The following HMCN1 variants were observed in gnomAD, a reference collection of about 807,000 sequenced individuals.
HMCN1 encodes hemicentin-1.
In HMCN1, 321 loss-of-function variants were observed where a neutral mutation model predicts 625.9. The observed-to-expected ratio is 0.51, with a 90% CI of 0.47 to 0.56. The LOEUF is 0.56. HMCN1 is among the 20% of genes least tolerant of loss of function. HMCN1 has a pLI of 0.00. For missense variants in HMCN1, 6,588 were observed against 6,887.3 expected, an observed-to-expected ratio of 0.96 and a Z score of 1.54; for synonymous variants, 2,425 against 2,417.6, an observed-to-expected ratio of 1.00 and a Z score of -0.09.
intron 1 of HMCN1, among the ~76,000 whole-genome samples, chr1:185,744,960 A>C (rs1571294932): frequency 6.6e-6 from 1 of 152,150 alleles, no homozygotes; most frequent in African/African-American, 2.4e-5. Flanking sequence ...AGGGGGAAAC[A>C]TTGAGGGGAC....
At chr1:186,089,590 A>C (rs1401874707) in intron 63 of HMCN1, among the ~76,000 whole-genome samples, 3 of 152,044 alleles carry the variant, frequency 2.0e-5, no homozygotes, top group Admixed American at 2.0e-4. Flanking sequence ...ATTCAACGTC[A>C]GAAGTTGCAT....
At position 186,166,171 on chromosome 1, in the gene HMCN1, TTTC is replaced by T; in HGVS notation, c.15320-7_15320-5del. On this transcript the variant is annotated splice_polypyrimidine_tract_variant and intron_variant, in intron 98 of 106. Coordinates refer to ENST00000271588, the MANE Select transcript of HMCN1 (RefSeq NM_031935.3). ...TTACATACTGATTTGGGCCTTTTTGTTTCTTCTTTAAGATGAGGATGAATGTGC... is the reference window on the plus strand; with the variant it reads ...TTACATACTGATTTGGGCCTTTTTGTTTCTTTAAGATGAGGATGAATGTGC... The T allele has an allele frequency of 6.2e-7, 1 of 1,613,984 alleles. No homozygotes were observed. Among genetic ancestry groups the T allele is most frequent in the Non-Finnish European group, 8.5e-7 (1 of 1,179,988 alleles).
rs1460119510 is a variant in HMCN1, at chr1:185,965,828, A to T, written c.2125A>T (p.Ser709Cys). The T allele has an allele frequency of 1.2e-5, 20 of 1,611,596 alleles. No individual in the cohort carries two copies. The highest frequency in any genetic ancestry group is 1.6e-5 in the Non-Finnish European group (19 of 1,177,872). Residue 709 changes from serine to cysteine, a missense_variant, in exon 14 of 107, where the codon AGT becomes TGT. Around this residue, in one of 3 missense-constraint regions of HMCN1, gnomAD observed 4,628 missense variants for 4,853.1 expected, o/e 0.95. Coordinates refer to ENST00000271588, the MANE Select transcript of HMCN1 (RefSeq NM_031935.3). The part of the protein sequence containing the change: ...IEAPKLMVVQ[S>C]ELLVALGDIT... ...AGCCCCTAAGTTGATGGTAGTTCAG[A>T]GTGAGCTCTTGGTTGCCCTTGGGGA...
At chr1:185,853,585 A>G (rs903938073) in intron 2 of HMCN1, among the ~76,000 whole-genome samples, 1 of 152,132 alleles carries the variant, frequency 6.6e-6, no homozygotes, top group Non-Finnish European at 1.5e-5. Flanking sequence ...AAACCATCCT[A>G]CATCCCCAGA....
intron 23 of HMCN1, among the ~76,000 whole-genome samples, chr1:185,993,612 G>A (rs1443591101): frequency 3.3e-5 from 5 of 152,010 alleles, no homozygotes; most frequent in African/African-American, 1.2e-4. Context: ...AAAAAAATGT[G>A]TTTAAGCCGG....
rs569454965 is a variant in HMCN1, at chr1:185,742,982, C to T, written c.268+7935C>T. ...GTGACTCCCAAGAAATGATGTTTTT[C>T]CCCCCTTGTTAATTAGTTAAGGAAC... On this transcript the variant is annotated intron_variant, in intron 1 of 106. Transcript: ENST00000271588. Among the ~76,000 whole-genome samples, 6 of 152,076 alleles carry T rather than the reference C, an allele frequency of 3.9e-5. No homozygotes were observed. The South Asian group carries it at 1.2e-3, about 32-fold the overall frequency.
rs141750081 is a variant in HMCN1 at position 185,834,434 on chromosome 1, A to C, written c.269-11592A>C. ...TGTTGGCAGGATTGAGTTCCTCTTG[A>C]GCTATTGGACTGAGGGCCTCAGGTA... On this transcript the variant is annotated intron_variant, in intron 1 of 106. Transcript: ENST00000271588. Among the ~76,000 whole-genome samples the C allele has an allele frequency of 1.3e-3, 201 of 152,082 alleles. 1 individual carries two copies. Among genetic ancestry groups the C allele is most frequent in the African/African-American group, 4.5e-3 (185 of 41,478 alleles).
At chr1:185,811,621 G>A (rs1659524503) in intron 1 of HMCN1, among the ~76,000 whole-genome samples, 2 of 151,684 alleles carry the variant, frequency 1.3e-5, no homozygotes, top group Admixed American at 1.3e-4. Context: ...AAAAAAAAAA[G>A]GAGGTGTGTG....
chr1:186,178,632 A>G lies in HMCN1; in HGVS notation c.16160A>G (p.His5387Arg). The G allele has an allele frequency of 6.2e-7, 1 of 1,614,132 alleles. No homozygotes were observed. Among genetic ancestry groups the G allele is most frequent in the Non-Finnish European group, 8.5e-7 (1 of 1,179,972 alleles). ...PVRNNYQPQQ[H>R]YRQYSHLYSS... ...AGAAACAACTATCAACCTCAACAGC[A>G]TTACAGACAGTACTCACATCTCTAC... Residue 5387 changes from histidine (H) to arginine (R), a missense_variant, in exon 104 of 107, where the codon CAT (histidine) becomes CGT (arginine). Around this residue, in one of 3 missense-constraint regions of HMCN1, gnomAD observed 1,954 missense variants for 2,013.1 expected, o/e 0.97. Coordinates refer to ENST00000271588, the MANE Select transcript of HMCN1 (RefSeq NM_031935.3).
At chr1:186,095,649 A>T (rs2180480) in intron 68 of HMCN1, 128 bp downstream of exon 68, 501,116 of 938,518 alleles carry the variant, frequency 0.53, 139,327 homozygotes, top group African/African-American at 0.87. Context: ...ATTGCATTTT[A>T]ATTTTTTTTA....
In HMCN1 at chr1:186,087,598, G is replaced by A. The variant is rs775781208; in HGVS notation, c.9316G>A (p.Val3106Met). 2.5e-6 allele frequency: 4 copies of A among 1,613,160 alleles called. No individual in the cohort carries two copies. The highest frequency in any genetic ancestry group is 1.7e-5 in the Admixed American group (1 of 59,918). The change falls in exon 60 of 107, where the codon GTG becomes ATG. Residue 3106 changes from valine (V) to methionine (M), a missense_variant. This residue lies in a region of HMCN1 where 4,628 missense variants were observed against 4,853.1 expected (regional missense o/e 0.95). Transcript: ENST00000271588. ...GCGGATGATAACAGAGTCTACTCAT[G>A]TGGAGATTTTAGCTGATGGACAAAT... is the stretch of plus-strand genomic sequence containing the variant. The part of the protein sequence containing the change: ...NGRMITESTH[V>M]EILADGQMLH...
At position 185,799,365 on chromosome 1, in the gene HMCN1, G is replaced by A. The variant is rs1334696801; in HGVS notation, c.269-46661G>A. Among the ~76,000 whole-genome samples the A allele has an allele frequency of 2.6e-5, 4 of 152,188 alleles. No individual in the cohort carries two copies. The East Asian group carries it at 7.7e-4, about 29-fold the overall frequency. The stretch of plus-strand genomic sequence containing the variant: ...AGGAGGAAACTCTCTGGTACCTTAG[G>A]CAGTGGGCTGGTCTGTGGGATGCCC... On this transcript the variant is annotated intron_variant, in intron 1 of 106. Transcript: ENST00000271588.
chr1:185,989,772 A>ATTTTTTTTTTTTTTTTT (rs1156913510), intron 21 of HMCN1, 125 bp downstream of exon 21: 1 of 490,926 alleles, frequency 2.0e-6, no homozygotes. Context: ...CCAGATTTCT[A>ATTTTTTTTTTTTTTTTT]TTTTTTTTTT....
chr1:185,908,932 G>C (rs895924793), intron 4 of HMCN1, among the ~76,000 whole-genome samples: 1 of 151,462 alleles, frequency 6.6e-6, no homozygotes, highest in Non-Finnish European at 1.5e-5. Flanking sequence ...TTTACAAATT[G>C]CATCTGGAAG....
intron 86 of HMCN1, among the ~76,000 whole-genome samples, chr1:186,133,713 A>T (rs569794030): frequency 6.6e-6 from 1 of 152,318 alleles, no homozygotes; most frequent in African/African-American, 2.4e-5. Flanking sequence ...GACATTTAAT[A>T]AGTATCTAAT....
intron 30 of HMCN1, among the ~76,000 whole-genome samples, chr1:186,011,590 G>T (rs1310487827): frequency 6.6e-6 from 1 of 152,142 alleles, no homozygotes. Flanking sequence ...TTTTGAATGT[G>T]AAAATTTTCT....
chr1:185,811,194 A>C (rs1041279040), intron 1 of HMCN1, among the ~76,000 whole-genome samples: 1 of 152,144 alleles, frequency 6.6e-6, no homozygotes. Flanking sequence ...AAGTCATTGT[A>C]TGCTCTCAAT....
At chr1:186,028,792 T>C (rs959353226) in intron 36 of HMCN1, among the ~76,000 whole-genome samples, 1 of 151,534 alleles carries the variant, frequency 6.6e-6, no homozygotes, top group African/African-American at 2.4e-5. Flanking sequence ...TGGCGCGATC[T>C]TGGCTCACTG....
At chr1:185,828,349 C>T (rs1014221756) in intron 1 of HMCN1, among the ~76,000 whole-genome samples, 2 of 151,882 alleles carry the variant, frequency 1.3e-5, no homozygotes, top group Non-Finnish European at 2.9e-5. Flanking sequence ...TTAAACAAAA[C>T]AAAAATAACA....
Sources: gnomAD v4.1 joint callset for allele counts (sites outside exome capture counted in the v4.1 genomes callset) on GRCh38, gnomAD v4.1.1 for gene constraint, gnomAD v4.1.1 regional missense constraint, MANE v1.5 for transcripts, NCBI Gene and HGNC (gene_info 2026-07-23, HGNC 2026-07-21) for gene names.